KMT2E: variants seen among roughly 807,000 people sequenced by gnomAD.
The protein encoded by KMT2E is lysine methyltransferase 2E (inactive), also known as histone reader KMT2E.
In KMT2E, 30 loss-of-function variants were observed where a neutral mutation model predicts 184.6. That is an observed-to-expected ratio of 0.16 (90% CI 0.12 to 0.22). The LOEUF (loss-of-function observed/expected upper bound fraction) is 0.22. Ranked by LOEUF, KMT2E falls within the 10% of genes least tolerant of loss-of-function variation. The pLI, the probability that KMT2E is intolerant of heterozygous loss-of-function variation, is 1.00. For synonymous variants in KMT2E, 815 were observed against 776.5 expected, an observed-to-expected ratio of 1.05 and a Z score of -0.82; for missense variants, 2,023 against 2,237.4, an observed-to-expected ratio of 0.90 and a Z score of 1.93.
At chr7:105,066,913 C>G (rs12705297) in intron 6 of KMT2E, 106 bp downstream of exon 6, 4 of 828,336 alleles carry the variant, frequency 4.8e-6, no homozygotes, top group Admixed American at 1.9e-5. Context: ...GAATCACAGC[C>G]GGGCATGGTG....
chr7:105,106,570 C>G lies in KMT2E; in HGVS notation c.2645C>G (p.Ser882Trp), dbSNP rs200476733. Residue 882 changes from serine (S) to tryptophan (W), a missense_variant, in exon 20 of 27, where the codon TCG (serine) becomes TGG (tryptophan). By Grantham distance (177) the Ser-to-Trp change is radical (BLOSUM62 -3). Around this residue, in one of 8 missense-constraint regions of KMT2E, gnomAD observed 514 missense variants for 621.8 expected, o/e 0.83. Transcript: ENST00000311117. ...KKRRFYQLLD[S>W]VYSETSTPTP... ...CGAAGATTTTATCAGTTGCTAGATT[C>G]GGTTTACTCAGAAACCTCCACACCT... The G allele has an allele frequency of 1.9e-6, 3 of 1,612,220 alleles. No individual in the cohort carries two copies. The highest frequency in any genetic ancestry group is 2.5e-6 in the Non-Finnish European group (3 of 1,178,240).
At chr7:105,070,453 A>C (rs1405716936) in intron 6 of KMT2E, among the ~76,000 whole-genome samples, 1 of 151,632 alleles carries the variant, frequency 6.6e-6, no homozygotes, top group Non-Finnish European at 1.5e-5. Flanking sequence ...CAACATGGCA[A>C]GGCACCATTG....
chr7:105,035,236 G>T (rs1320392211), intron 1 of KMT2E, among the ~76,000 whole-genome samples: 1 of 150,840 alleles, frequency 6.6e-6, no homozygotes, highest in Non-Finnish European at 1.5e-5. Context: ...GTTTCACCGT[G>T]TTAGCCAGGA....
intron 1 of KMT2E, among the ~76,000 whole-genome samples, chr7:105,025,112 A>G (rs1348559907): frequency 1.3e-5 from 2 of 152,162 alleles, no homozygotes; most frequent in Non-Finnish European, 2.9e-5. Context: ...CTTAAGATGT[A>G]AAAGTAACAT....
chr7:105,077,489 G>T, intron 11 of KMT2E, 56 bp downstream of exon 11: 1 of 1,412,570 alleles, frequency 7.1e-7, no homozygotes, highest in South Asian at 1.2e-5. Flanking sequence ...TGAACTTTTG[G>T]CTGTTTTACC....
At position 105,107,571 on chromosome 7, in the gene KMT2E, C is replaced by G; in HGVS notation, c.3114C>G (p.Thr1038=). The G allele has an allele frequency of 6.2e-7, 1 of 1,614,012 alleles. No homozygotes were observed. The highest frequency in any genetic ancestry group is 1.1e-5 in the South Asian group (1 of 91,066). ...TTGAGCCAACTGCCCTACATAAAAC[C>G]CTGGAAACGCCTGCACATGACAGGG... ...DAVEPTALHK[T]LETPAHDRAE... Residue 1038 remains threonine (T), a synonymous_variant, in exon 22 of 27, where the codon ACC becomes ACG. Transcript: ENST00000311117.
At chr7:105,098,340 A>G (rs986472379) in intron 15 of KMT2E, among the ~76,000 whole-genome samples, 4 of 151,780 alleles carry the variant, frequency 2.6e-5, no homozygotes, top group Admixed American at 6.6e-5. Context: ...CCTGGACTCA[A>G]GCAATCCTCC....
chr7:105,098,234 A>G (rs931793987), intron 15 of KMT2E, among the ~76,000 whole-genome samples: 1 of 136,934 alleles, frequency 7.3e-6, no homozygotes, highest in South Asian at 2.3e-4. Flanking sequence ...TCCTTTTCCT[A>G]TTTTTTTTTT....
rs748835448 is a variant in KMT2E at position 105,112,899 on chromosome 7, C to T, written c.5143C>T (p.Pro1715Ser). Residue 1715 changes from proline (P) to serine (S), a missense_variant, in exon 27 of 27, where the codon CCC (proline) becomes TCC (serine). Pro to Ser is a moderately conservative substitution (Grantham distance 74, BLOSUM62 -1). This residue lies in a region of KMT2E where 1,108 missense variants were observed against 1,050.9 expected (regional missense o/e 1.05). Transcript: ENST00000311117. ...ACACCAGCATGTTGTAAATTCAGCA[C>T]CCCCACCACCCCCTCCGCCGCCACC... ...AQHQHVVNSAPPPPPPPPPSS... is the reference protein window; with the variant it reads ...AQHQHVVNSASPPPPPPPPSS... 5.6e-6 allele frequency: 9 copies of T among 1,605,926 alleles called. No individual in the cohort carries two copies. Among genetic ancestry groups the T allele is most frequent in the Middle Eastern group, 1.7e-4 (1 of 6,052 alleles).
intron 1 of KMT2E, among the ~76,000 whole-genome samples, chr7:105,026,728 C>T (rs1795191794): frequency 6.6e-6 from 1 of 152,036 alleles, no homozygotes; most frequent in Non-Finnish European, 1.5e-5. Context: ...ATGGTTGTAC[C>T]AAAAGACAAA....
Position 105,075,904 on chromosome 7 carries a change from C to T in KMT2E, c.730-139C>T, listed in dbSNP as rs925090799. On this transcript the variant is annotated intron_variant, in intron 8 of 26. Transcript: ENST00000311117. ...TTAATAGATGCCTTTATTAAACATT[C>T]TCCTAGTGTCAGCTTTCTTGGTTAC... 127 of 655,674 alleles carry T rather than the reference C, an allele frequency of 1.9e-4. No homozygotes were observed. The African/African-American group carries it at 2.0e-3, about 10-fold the overall frequency. 40.6% of individuals were successfully genotyped at this position (655,674 alleles called of 1,614,324 possible).
At chr7:105,037,179 T>G (rs1029353386) in intron 1 of KMT2E, among the ~76,000 whole-genome samples, 1 of 152,170 alleles carries the variant, frequency 6.6e-6, no homozygotes, top group Admixed American at 6.5e-5. Flanking sequence ...TTAAAATATT[T>G]ATTGAGCACT....
chr7:105,023,402 C>CAAAAAAAAA (rs1158885663), intron 1 of KMT2E, among the ~76,000 whole-genome samples: 675 of 55,778 alleles, frequency 0.012, 45 homozygotes, highest in East Asian at 0.065. Flanking sequence ...GACTCTGTCT[C>CAAAAAAAAA]AAAAAAAAAA....
rs1207641037 is a variant in KMT2E, at chr7:105,040,823, C to A, written c.-114-16C>A. 7 of 518,538 alleles carry A rather than the reference C, an allele frequency of 1.3e-5. No homozygotes were observed. Among genetic ancestry groups the A allele is most frequent in the Non-Finnish European group, 2.4e-5 (7 of 288,648 alleles). 32.1% of individuals were successfully genotyped at this position (518,538 alleles called of 1,614,324 possible). A position where few individuals can be genotyped will look rare whatever the true frequency, so the allele number is the denominator to read the frequency against. ...AGTGTGACTGTTGCTTTTTTGTCTC[C>A]TTTTCTTTTAAACAGGGTTTGTGGA... On this transcript the variant is annotated splice_polypyrimidine_tract_variant and intron_variant, in intron 2 of 26. Transcript: ENST00000311117.
intron 15 of KMT2E, among the ~76,000 whole-genome samples, chr7:105,097,272 T>C (rs1185324679): frequency 6.6e-6 from 1 of 151,870 alleles, no homozygotes; most frequent in Non-Finnish European, 1.5e-5. Context: ...CCTCCGTTGA[T>C]GCTGATTTTT....
chr7:105,054,573 A>G (rs1459653481), intron 3 of KMT2E, among the ~76,000 whole-genome samples: 3 of 151,826 alleles, frequency 2.0e-5, no homozygotes, highest in Admixed American at 1.3e-4. Context: ...CTGGAGTGCA[A>G]TGGTGCAGTC....
intron 26 of KMT2E, 146 bp downstream of exon 26, chr7:105,111,014 G>T: frequency 1.6e-6 from 1 of 628,914 alleles, no homozygotes; most frequent in African/African-American, 1.8e-5. Context: ...ATACTCAATT[G>T]TGTTTACTAC....
At chr7:105,022,504 A>G (rs1252532339) in intron 1 of KMT2E, among the ~76,000 whole-genome samples, 3 of 151,698 alleles carry the variant, frequency 2.0e-5, no homozygotes, top group Admixed American at 2.0e-4. Context: ...CTTTACTATT[A>G]TGTTCATTTT....
At chr7:105,036,148 T>TTTGTTG (rs375275339) in intron 1 of KMT2E, among the ~76,000 whole-genome samples, 2 of 151,904 alleles carry the variant, frequency 1.3e-5, no homozygotes, top group East Asian at 1.9e-4. Flanking sequence ...GGCAGGGTTT[T>TTTGTTG]TTGTTGTTGT....
Sources: allele counts gnomAD v4.1 joint callset (sites outside exome capture counted in the v4.1 genomes callset), GRCh38; gene constraint gnomAD v4.1.1; regional missense constraint gnomAD v4.1.1; transcripts MANE v1.5; gene names NCBI Gene and HGNC (gene_info 2026-07-23, HGNC 2026-07-21).